TRIM33: variants seen among roughly 807,000 people sequenced by gnomAD.
TRIM33 encodes E3 ubiquitin-protein ligase TRIM33.
Under a neutral mutation model 125.4 loss-of-function variants are expected in TRIM33, and 20 were observed. That is an observed-to-expected ratio of 0.16 (90% CI 0.11 to 0.23). The LOEUF is 0.23. Ranked by LOEUF, TRIM33 falls within the 10% of genes least tolerant of loss-of-function variation. The pLI, the probability that TRIM33 is intolerant of heterozygous loss-of-function variation, is 1.00. For synonymous variants in TRIM33, 564 were observed against 513.9 expected, an observed-to-expected ratio of 1.10 and a Z score of -1.32; for missense variants, 920 against 1,411.4, an observed-to-expected ratio of 0.65 and a Z score of 5.58.
At chr1:114,427,984 T>A (rs1647698497) in intron 6 of TRIM33, 90 bp from the exon 7 acceptor site, 1 of 1,350,456 alleles carries the variant, frequency 7.4e-7, no homozygotes, top group Non-Finnish European at 1.0e-6. Flanking sequence ...ATACCTATAC[T>A]TCCTTTAAAA....
In TRIM33 at chr1:114,397,619, TTAAACAATTGA is replaced by T; in HGVS notation, c.*18_*28del. ...TTTTTTTTTTTTCGTTTTTTTTTTT[TTAAACAATTGA>T]TTTAAATCCATGTCATTTTACTTTA... On this transcript the variant is annotated 3_prime_UTR_variant, in exon 20 of 20. Coordinates refer to ENST00000358465, the MANE Select transcript of TRIM33 (RefSeq NM_015906.4). 1 of 1,252,932 alleles carries T rather than the reference TTAAACAATTGA, an allele frequency of 8.0e-7. No homozygotes were observed. The highest frequency in any genetic ancestry group is 1.1e-6 in the Non-Finnish European group (1 of 891,368). The allele number at this position is 1,252,932 out of a possible 1,614,324, so 77.6% of individuals were successfully genotyped here. A position where few individuals can be genotyped will look rare whatever the true frequency, so the allele number is the denominator to read the frequency against.
rs1331614587 is a variant in TRIM33 at position 114,405,492 on chromosome 1, C to T, written c.2686G>A (p.Gly896Arg). 2 of 1,614,194 alleles carry T rather than the reference C, an allele frequency of 1.2e-6. No individual in the cohort carries two copies. Among genetic ancestry groups the T allele is most frequent in the Non-Finnish European group, 1.7e-6 (2 of 1,180,026 alleles). ...TTTTCGCAGCACAAGAGATCTCCTCCGTTTTGGCAGACAGCACACCAGTCT... is the reference window on the plus strand; with the variant it reads ...TTTTCGCAGCACAAGAGATCTCCTCTGTTTTGGCAGACAGCACACCAGTCT... ...NEDWCAVCQNGGDLLCCEKCP... is the reference protein window; with the variant it reads ...NEDWCAVCQNRGDLLCCEKCP... Residue 896 changes from glycine to arginine, a missense_variant, in exon 15 of 20, where the codon GGA (glycine) becomes AGA (arginine). Gly to Arg is a moderately radical substitution (Grantham distance 125). This residue lies in a region of TRIM33 where 9 missense variants were observed against 56.2 expected (regional missense o/e 0.16). Transcript: ENST00000358465.
At chr1:114,505,725 G>C (rs948302952) in intron 1 of TRIM33, among the ~76,000 whole-genome samples, 1 of 152,126 alleles carries the variant, frequency 6.6e-6, no homozygotes, top group Admixed American at 6.5e-5. Context: ...CTGCCACCAC[G>C]CCTGGCAAAT....
At chr1:114,498,250 T>C (rs1652495966) in intron 1 of TRIM33, among the ~76,000 whole-genome samples, 1 of 152,114 alleles carries the variant, frequency 6.6e-6, no homozygotes, top group South Asian at 2.1e-4. Context: ...ATATTTTGCC[T>C]GGGGAAGAAA....
chr1:114,463,952 A>G (rs1488964718), intron 2 of TRIM33, among the ~76,000 whole-genome samples: 1 of 151,688 alleles, frequency 6.6e-6, no homozygotes, highest in Non-Finnish European at 1.5e-5. Flanking sequence ...TATTTTTTGT[A>G]GAGATGGAGT....
chr1:114,443,385 A>AAATG (rs372157103), intron 4 of TRIM33, among the ~76,000 whole-genome samples: 13,534 of 149,890 alleles, frequency 0.09, 887 homozygotes, highest in African/African-American at 0.18. Flanking sequence ...CTCCATCTCA[A>AAATG]AATGAATGAA....
In TRIM33 at chr1:114,401,394, C is replaced by T; in HGVS notation, c.2962G>A (p.Ala988Thr). ...LSIEFQEPVP[A>T]SIPNYYKIIK... is the part of the protein sequence containing the mutation. ...TACTAAGGTAGGCAACTCACCGAAG[C>T]AGGAACAGGCTCCTGGAATTCAATA... Residue 988 changes from alanine (A) to threonine (T), a missense_variant, in exon 17 of 20, where the codon GCT becomes ACT. Ala to Thr is a moderately conservative substitution (Grantham distance 58, BLOSUM62 0). Coordinates refer to ENST00000358465, the MANE Select transcript of TRIM33 (RefSeq NM_015906.4). 6.2e-7 allele frequency: 1 copy of T among 1,612,360 alleles called. No individual in the cohort carries two copies. The highest frequency in any genetic ancestry group is 1.7e-5 in the Admixed American group (1 of 59,924).
chr1:114,505,688 C>G (rs1652960709), intron 1 of TRIM33, among the ~76,000 whole-genome samples: 2 of 152,212 alleles, frequency 1.3e-5, no homozygotes, highest in South Asian at 4.1e-4. Flanking sequence ...CTACCTCGGC[C>G]TCCCGAGTAG....
At chr1:114,398,809 A>C (rs963519128) in intron 18 of TRIM33, among the ~76,000 whole-genome samples, 1 of 151,612 alleles carries the variant, frequency 6.6e-6, no homozygotes, top group African/African-American at 2.4e-5. Context: ...ACAATAATAG[A>C]ATCGATTTTA....
intron 4 of TRIM33, among the ~76,000 whole-genome samples, chr1:114,461,411 C>A (rs1020362514): frequency 6.6e-6 from 1 of 150,514 alleles, no homozygotes; most frequent in Non-Finnish European, 1.5e-5. Flanking sequence ...CTTGTGGGAC[C>A]TGACTCTAAC....
intron 4 of TRIM33, among the ~76,000 whole-genome samples, chr1:114,461,548 G>C (rs907425134): frequency 2.0e-5 from 3 of 151,170 alleles, no homozygotes; most frequent in African/African-American, 7.3e-5. Flanking sequence ...GAGTATAGGA[G>C]GAGAAAAAAA....
At chr1:114,468,223 G>A (rs78638919) in intron 1 of TRIM33, 5,406 of 221,972 alleles carry the variant, frequency 0.024, 189 homozygotes, top group African/African-American at 0.083. Context: ...GTGCAGTGGT[G>A]TGAGAGGTAA....
At chr1:114,437,460 T>A (rs1368180962) in intron 4 of TRIM33, among the ~76,000 whole-genome samples, 1 of 152,172 alleles carries the variant, frequency 6.6e-6, no homozygotes, top group Non-Finnish European at 1.5e-5. Context: ...TGCCTCAGCC[T>A]CCCGAGTACA....
intron 1 of TRIM33, among the ~76,000 whole-genome samples, chr1:114,477,943 C>T (rs909803038): frequency 6.6e-6 from 1 of 151,986 alleles, no homozygotes; most frequent in Non-Finnish European, 1.5e-5. Context: ...AAGTTTACAA[C>T]AAAATGAAGG....
At position 114,511,082 on chromosome 1, in the gene TRIM33, C is replaced by A; in HGVS notation, c.-6G>T. On this transcript the variant is annotated 5_prime_UTR_variant, in exon 1 of 20. Transcript: ENST00000358465. ...CCGCCTTTGTTTTCCGCCATGTTTT[C>A]CTCTTTGAACCCGCCGGACCGCCCC... 8.1e-7 allele frequency: 1 copy of A among 1,232,080 alleles called. No homozygotes were observed. The highest frequency in any genetic ancestry group is 3.8e-5 in the East Asian group (1 of 26,030). 76.3% of individuals were successfully genotyped at this position (1,232,080 alleles called of 1,614,324 possible).
At chr1:114,407,216 G>T in intron 13 of TRIM33, 116 bp from the exon 14 acceptor site, 1 of 846,194 alleles carries the variant, frequency 1.2e-6, no homozygotes, top group Non-Finnish European at 1.8e-6. Context: ...TAACTTTACA[G>T]AAGATAAGGA....
chr1:114,414,139 G>A (rs1652784198), intron 11 of TRIM33, among the ~76,000 whole-genome samples: 1 of 151,754 alleles, frequency 6.6e-6, no homozygotes, highest in Non-Finnish European at 1.5e-5. Flanking sequence ...TGGTTATAGT[G>A]CTGGGATTTA....
At chr1:114,430,245 TTTTCTG>T (rs1432554089) in intron 6 of TRIM33, among the ~76,000 whole-genome samples, 1 of 151,932 alleles carries the variant, frequency 6.6e-6, no homozygotes, top group African/African-American at 2.4e-5. Context: ...TCTTTTTTCT[TTTTCTG>T]TTTTTCATTT....
chr1:114,424,584 G>C lies in TRIM33; in HGVS notation c.1860+7C>G. On this transcript the variant is annotated splice_region_variant and intron_variant, in intron 10 of 19. Coordinates refer to ENST00000358465, the MANE Select transcript of TRIM33 (RefSeq NM_015906.4). ...TAGGATTCTTACAAATGTAACTCTAGGCATACTTGTCTTTGGAGGTGTGGC... is the reference window on the plus strand; with the variant it reads ...TAGGATTCTTACAAATGTAACTCTACGCATACTTGTCTTTGGAGGTGTGGC... 6.5e-7 allele frequency: 1 copy of C among 1,545,712 alleles called. No homozygotes were observed.
Sources: gnomAD v4.1 joint callset for allele counts (sites outside exome capture counted in the v4.1 genomes callset) on GRCh38, gnomAD v4.1.1 for gene constraint, gnomAD v4.1.1 regional missense constraint, MANE v1.5 for transcripts, NCBI Gene and HGNC (gene_info 2026-07-23, HGNC 2026-07-21) for gene names.